The following DAG1 variants were observed in gnomAD, a reference collection of about 807,000 sequenced individuals.
DAG1 encodes the protein dystroglycan 1.
In DAG1, 8 loss-of-function variants were observed where a neutral mutation model predicts 46.1. That is an observed-to-expected ratio of 0.17 (90% CI 0.10 to 0.31). DAG1 has a LOEUF of 0.31. Ranked by LOEUF, DAG1 falls within the 10% of genes least tolerant of loss-of-function variation. The pLI is 1.00. For synonymous variants in DAG1, 495 were observed against 481.8 expected, an observed-to-expected ratio of 1.03 and a Z score of -0.36; for missense variants, 1,003 against 1,189.9, an observed-to-expected ratio of 0.84 and a Z score of 2.31.
At chr3:49,530,524 T>C (rs2051310087) in intron 2 of DAG1, among the ~76,000 whole-genome samples, 1 of 152,194 alleles carries the variant, frequency 6.6e-6, no homozygotes, top group Non-Finnish European at 1.5e-5. Context: ...TTCTTGGGAA[T>C]GAGACATGTG....
At chr3:49,520,694 C>T (rs553385937) in intron 2 of DAG1, among the ~76,000 whole-genome samples, 19 of 152,292 alleles carry the variant, frequency 1.2e-4, no homozygotes, top group African/African-American at 4.1e-4. Flanking sequence ...TGGAAGGTGC[C>T]ACCACCAAGG....
chr3:49,485,317 G>A (rs753778766), intron 1 of DAG1, among the ~76,000 whole-genome samples: 3 of 152,198 alleles, frequency 2.0e-5, no homozygotes, highest in Non-Finnish European at 2.9e-5. Context: ...GAGTGCAGTG[G>A]TGCGATCTTG....
At chr3:49,485,657 CTTTTT>C (rs749730213) in intron 1 of DAG1, among the ~76,000 whole-genome samples, 11 of 82,104 alleles carry the variant, frequency 1.3e-4, no homozygotes, top group Admixed American at 3.0e-4. Flanking sequence ...TGTTTTCTTT[CTTTTT>C]TTTTTTTTTT....
intron 1 of DAG1, among the ~76,000 whole-genome samples, chr3:49,504,567 CTTTTTTTTTTTTTTTTTTT>C (rs55662849): frequency 1.0e-4 from 5 of 49,698 alleles, no homozygotes; most frequent in Non-Finnish European, 1.0e-4. Context: ...CCAATACAGT[CTTTTTTTTTTTTTTTTTTT>C]TTTTTTTTTT....
chr3:49,499,326 C>T (rs969930848), intron 1 of DAG1, among the ~76,000 whole-genome samples: 3 of 152,116 alleles, frequency 2.0e-5, no homozygotes, highest in Non-Finnish European at 4.4e-5. Context: ...CTGGGGAGTT[C>T]AAGGCTGGTG....
At chr3:49,469,110 C>CA (rs1264538819), upstream of DAG1, 1 of 152,240 alleles carries the variant, frequency 6.6e-6, no homozygotes, top group Non-Finnish European at 1.5e-5. Flanking sequence ...TTGCATCTCC[C>CA]AGACGCTCCT....
intron 2 of DAG1, among the ~76,000 whole-genome samples, chr3:49,518,074 G>A (rs1378171627): frequency 3.3e-5 from 5 of 152,224 alleles, no homozygotes; most frequent in African/African-American, 1.2e-4. Flanking sequence ...GGAAGAAGAA[G>A]CTGGTGAAGA....
Position 49,531,913 on chromosome 3 carries a change from A to G in DAG1, c.1402A>G (p.Ile468Val), listed in dbSNP as rs749336547. The part of the protein sequence containing the change: ...PVPRVTTKVS[I>V]TRLETASPPT... ...GCCCCGGGTCACCACCAAAGTTTCCATCACCAGATTGGAAACTGCCTCACC... is the reference window on the plus strand; with the variant it reads ...GCCCCGGGTCACCACCAAAGTTTCCGTCACCAGATTGGAAACTGCCTCACC... Residue 468 changes from isoleucine to valine, a missense_variant, in exon 3 of 3, where the codon ATC (isoleucine) becomes GTC (valine). Ile to Val is a conservative substitution (Grantham distance 29). This residue lies in a region of DAG1 where 755 missense variants were observed against 854.1 expected (regional missense o/e 0.88). Transcript: ENST00000308775. This position sits in a 1 kb window ranked among gnomAD's most constrained non-coding sequence, Gnocchi z 7.0. 8 of 1,614,166 alleles carry G rather than the reference A, an allele frequency of 5.0e-6. No individual in the cohort carries two copies. In the South Asian group the frequency reaches 7.7e-5, roughly 16 times the overall value.
intron 1 of DAG1, among the ~76,000 whole-genome samples, chr3:49,478,431 CAAAAAATA>C (rs1169545946): frequency 3.1e-5 from 2 of 64,898 alleles, no homozygotes; most frequent in Non-Finnish European, 5.6e-5. Flanking sequence ...CCTGTCTCTA[CAAAAAATA>C]AAAAAAAAAA....
At chr3:49,499,097 A>G (rs2050382145) in intron 1 of DAG1, among the ~76,000 whole-genome samples, 1 of 152,180 alleles carries the variant, frequency 6.6e-6, no homozygotes, top group African/African-American at 2.4e-5. Flanking sequence ...ATTTGGGAGT[A>G]GGGGCTCCTA....
intron 2 of DAG1, among the ~76,000 whole-genome samples, chr3:49,513,207 T>A (rs561836616): frequency 2.0e-5 from 3 of 152,274 alleles, no homozygotes; most frequent in East Asian, 3.9e-4. Flanking sequence ...GCTGGCAAGT[T>A]GATGCTGCCT....
intron 1 of DAG1, among the ~76,000 whole-genome samples, chr3:49,482,787 A>T (rs2049921802): frequency 6.6e-6 from 1 of 152,120 alleles, no homozygotes; most frequent in Admixed American, 6.6e-5. Flanking sequence ...AAAGTAGTGG[A>T]ATTGGAATCA....
At chr3:49,529,885 A>G (rs1461700111) in intron 2 of DAG1, among the ~76,000 whole-genome samples, 1 of 152,282 alleles carries the variant, frequency 6.6e-6, no homozygotes, top group Non-Finnish European at 1.5e-5. Context: ...ATGACCAGTT[A>G]TATCTCTGTG....
At chr3:49,470,096 G>C (rs2049463552), upstream of DAG1, 1 of 151,014 alleles carries the variant, frequency 6.6e-6, no homozygotes, top group Non-Finnish European at 1.5e-5. Context: ...GGCGGGGCTT[G>C]CGCGCGGGTG....
chr3:49,487,726 A>T (rs1328381704), intron 1 of DAG1, among the ~76,000 whole-genome samples: 10 of 103,080 alleles, frequency 9.7e-5, no homozygotes, highest in Non-Finnish European at 1.5e-4. Flanking sequence ...TTGAGATGGG[A>T]TCGTGCTCTG....
Position 49,533,277 on chromosome 3 carries a change from C to T in DAG1, c.*78C>T. On this transcript the variant is annotated 3_prime_UTR_variant, in exon 3 of 3. Coordinates refer to ENST00000308775, the MANE Select transcript of DAG1 (RefSeq NM_004393.6). ...GGTGTTGTCTGTGGAGACCGGTGGC[C>T]TGCAGACCATTGCCCACCGGGAGCC... 6.3e-7 allele frequency: 1 copy of T among 1,584,978 alleles called. No individual in the cohort carries two copies. The highest frequency in any genetic ancestry group is 1.7e-5 in the Admixed American group (1 of 57,968).
chr3:49,504,782 T>TTG (rs2050555667), intron 1 of DAG1, among the ~76,000 whole-genome samples: 1 of 142,194 alleles, frequency 7.0e-6, no homozygotes, highest in Non-Finnish European at 1.5e-5. Context: ...TTTTTTTTTT[T>TTG]TTGTATTTTT....
In DAG1 at chr3:49,532,381, C is replaced by A. The variant is rs2051379516; in HGVS notation, c.1870C>A (p.His624Asn). ...GDPALVLNDIHKKIALVKKLA... is the reference protein window; with the variant it reads ...GDPALVLNDINKKIALVKKLA... ...CCCGGCACTGGTGTTGAATGACATC[C>A]ACAAGAAGATTGCCTTGGTAAAGAA... Residue 624 changes from histidine (H) to asparagine (N), a missense_variant, in exon 3 of 3, where the codon CAC becomes AAC. Around this residue, in one of 3 missense-constraint regions of DAG1, gnomAD observed 755 missense variants for 854.1 expected, o/e 0.88. Coordinates refer to ENST00000308775, the MANE Select transcript of DAG1 (RefSeq NM_004393.6). This position sits in a 1 kb window ranked among gnomAD's most constrained non-coding sequence, Gnocchi z 5.4. The A allele has an allele frequency of 6.2e-7, 1 of 1,614,162 alleles. No individual in the cohort carries two copies. The highest frequency in any genetic ancestry group is 8.5e-7 in the Non-Finnish European group (1 of 1,180,040).
At chr3:49,497,666 C>T (rs2050350760) in intron 1 of DAG1, among the ~76,000 whole-genome samples, 1 of 151,868 alleles carries the variant, frequency 6.6e-6, no homozygotes, top group South Asian at 2.1e-4. Flanking sequence ...GTGAAAAACA[C>T]AATATAAAAC....
Sources: allele counts gnomAD v4.1 joint callset (sites outside exome capture counted in the v4.1 genomes callset), GRCh38; gene constraint gnomAD v4.1.1; regional missense constraint gnomAD v4.1.1; non-coding constraint Gnocchi (gnomAD v3.1); transcripts MANE v1.5; gene names NCBI Gene and HGNC (gene_info 2026-07-23, HGNC 2026-07-21).